The following DSCAM variants were observed in gnomAD, a reference collection of about 807,000 sequenced individuals.
DSCAM encodes the protein cell adhesion molecule DSCAM.
DSCAM carries 47 observed loss-of-function variants against 217.7 expected under a neutral mutation model. That is an observed-to-expected ratio of 0.22 (90% CI 0.17 to 0.28). The LOEUF is 0.28. DSCAM is among the 10% of genes least tolerant of loss of function. DSCAM has a pLI of 1.00. For synonymous variants in DSCAM, 1,056 were observed against 1,015.3 expected (o/e 1.04, Z -0.76); for missense variants, 2,080 against 2,618.3 (o/e 0.79, Z 4.49).
chr21:40,106,887 GTCTA>G (rs71186916), intron 20 of DSCAM, among the ~76,000 whole-genome samples: 28,732 of 146,612 alleles, frequency 0.2, 3,180 homozygotes, highest in East Asian at 0.27. Flanking sequence ...CTAGCTAGTG[GTCTA>G]TCTATTTTAT....
intron 3 of DSCAM, among the ~76,000 whole-genome samples, chr21:40,616,998 CAG>C (rs1435233289): frequency 1.2e-3 from 122 of 99,184 alleles, no homozygotes; most frequent in Non-Finnish European, 1.9e-3. Context: ...GCCTGGGCGA[CAG>C]AGCAAGACTC....
At chr21:40,059,917 C>T (rs533158568) in intron 28 of DSCAM, among the ~76,000 whole-genome samples, 1 of 152,272 alleles carries the variant, frequency 6.6e-6, no homozygotes, top group East Asian at 1.9e-4. Flanking sequence ...TTTGTCTGGA[C>T]CCCCTGGGCC....
At chr21:40,492,208 G>A (rs999404318) in intron 3 of DSCAM, among the ~76,000 whole-genome samples, 1 of 152,132 alleles carries the variant, frequency 6.6e-6, no homozygotes, top group East Asian at 1.9e-4. Context: ...TGTGTTATTA[G>A]GTATAGATTA....
At chr21:40,444,096 T>C (rs1409575627) in intron 3 of DSCAM, among the ~76,000 whole-genome samples, 2 of 152,190 alleles carry the variant, frequency 1.3e-5, no homozygotes, top group African/African-American at 4.8e-5. Context: ...CCAGCATTAA[T>C]AGGGGCTACT....
intron 11 of DSCAM, among the ~76,000 whole-genome samples, chr21:40,200,815 A>T (rs1238503961): frequency 6.6e-6 from 1 of 152,202 alleles, no homozygotes; most frequent in Non-Finnish European, 1.5e-5. Context: ...AGATTATGTT[A>T]GAGGAACCCT....
chr21:40,691,612 G>A (rs898017547), intron 3 of DSCAM, among the ~76,000 whole-genome samples: 1 of 152,122 alleles, frequency 6.6e-6, no homozygotes. Flanking sequence ...TATTACAATC[G>A]CATTTGAGTT....
intron 3 of DSCAM, among the ~76,000 whole-genome samples, chr21:40,661,946 T>A (rs768041996): frequency 1.4e-4 from 21 of 152,200 alleles, no homozygotes; most frequent in Admixed American, 9.8e-4. Flanking sequence ...AAAATTGAGA[T>A]TTTTATGATT....
chr21:40,784,342 C>G (rs1272046279), intron 1 of DSCAM, among the ~76,000 whole-genome samples: 1 of 152,136 alleles, frequency 6.6e-6, no homozygotes, highest in Non-Finnish European at 1.5e-5. Flanking sequence ...TCTTTCTTGT[C>G]TGCTGCCGTG....
At chr21:40,796,312 G>A (rs2091691425) in intron 1 of DSCAM, among the ~76,000 whole-genome samples, 1 of 152,222 alleles carries the variant, frequency 6.6e-6, no homozygotes, top group South Asian at 2.1e-4. Flanking sequence ...CCCAAAAGAT[G>A]AGGGTAAAAT....
At chr21:40,831,733 C>G (rs192021248) in intron 1 of DSCAM, among the ~76,000 whole-genome samples, 1 of 152,176 alleles carries the variant, frequency 6.6e-6, no homozygotes, top group Non-Finnish European at 1.5e-5. Context: ...CTCTTCCCAA[C>G]AGAATGCAAT....
Position 40,846,742 on chromosome 21 carries a change from GCTCGGCA to G in DSCAM, c.-88_-82del, listed in dbSNP as rs1236610192. ...TCCGCCCGGCCCGGCTCCGCTCGCC[GCTCGGCA>G]CCTGCCCGGGGGCCGCCGCCCGCCC... On this transcript the variant is annotated 5_prime_UTR_variant, in exon 1 of 33. Transcript: ENST00000400454. 1 of 645,572 alleles carries G rather than the reference GCTCGGCA, an allele frequency of 1.5e-6. No homozygotes were observed. The highest frequency in any genetic ancestry group is 1.9e-6 in the Non-Finnish European group (1 of 513,292). 40.0% of individuals were successfully genotyped at this position (645,572 alleles called of 1,614,324 possible).
chr21:40,639,441 T>G (rs1342262298), intron 3 of DSCAM, among the ~76,000 whole-genome samples: 1 of 152,108 alleles, frequency 6.6e-6, no homozygotes, highest in African/African-American at 2.4e-5. Context: ...AAAAATAGAT[T>G]TGAATTTATT....
At chr21:40,123,743 T>C (rs75014128) in intron 20 of DSCAM, among the ~76,000 whole-genome samples, 13,696 of 121,272 alleles carry the variant, frequency 0.11, 785 homozygotes, top group Admixed American at 0.27. Context: ...CTGTGAGAGA[T>C]GGAGGAGGGA....
intron 1 of DSCAM, among the ~76,000 whole-genome samples, chr21:40,721,473 C>T (rs114936715): frequency 0.038 from 5,746 of 152,112 alleles, 142 homozygotes; most frequent in East Asian, 0.098. Context: ...TACAAACAGC[C>T]AAGCTGCAAA....
chr21:40,431,545 C>G (rs554020324), intron 3 of DSCAM, among the ~76,000 whole-genome samples: 1 of 152,176 alleles, frequency 6.6e-6, no homozygotes, highest in East Asian at 1.9e-4. Context: ...ATGATGAAGA[C>G]GAAGACCTTT....
chr21:40,766,669 CAAAAAAAA>C (rs34935219), intron 1 of DSCAM, among the ~76,000 whole-genome samples: 42 of 66,640 alleles, frequency 6.3e-4, no homozygotes, highest in Non-Finnish European at 8.6e-4. Context: ...ACAACAATTC[CAAAAAAAA>C]AAAAAAAAAA....
rs2088054719 is a variant in DSCAM at position 40,011,445 on chromosome 21, G to A, written c.*1589C>T. 6.6e-6 allele frequency: 1 copy of A among 152,340 alleles called. No homozygotes were observed. The highest frequency in any genetic ancestry group is 2.1e-4 in the South Asian group (1 of 4,824). 9.4% of individuals were successfully genotyped at this position (152,340 alleles called of 1,614,324 possible). On this transcript the variant is annotated 3_prime_UTR_variant, in exon 33 of 33. Transcript: ENST00000400454. ...CCAGTCTATGTTGGTGGCCTTAATG[G>A]AAGCCTGTAGAGAATCTTCAGCCTG...
At chr21:40,835,769 C>A (rs2092050989) in intron 1 of DSCAM, among the ~76,000 whole-genome samples, 1 of 152,066 alleles carries the variant, frequency 6.6e-6, no homozygotes, top group Admixed American at 6.6e-5. Flanking sequence ...TATTTTAGTG[C>A]CAAAATCAAG....
intron 4 of DSCAM, among the ~76,000 whole-genome samples, chr21:40,361,358 C>T (rs560388986): frequency 4.6e-5 from 7 of 152,232 alleles, no homozygotes; most frequent in South Asian, 2.1e-4. Context: ...CAGCGGCTCA[C>T]GCCTGTAATC....
Sources: allele counts gnomAD v4.1 joint callset (sites outside exome capture counted in the v4.1 genomes callset), GRCh38; gene constraint gnomAD v4.1.1; transcripts MANE v1.5; gene names NCBI Gene and HGNC (gene_info 2026-07-23, HGNC 2026-07-21).